PLGRKT: variants seen among roughly 807,000 people sequenced by gnomAD.
PLGRKT encodes the protein plasminogen receptor (KT).
Under a neutral mutation model 18.5 loss-of-function variants are expected in PLGRKT, and 22 were observed. That is an observed-to-expected ratio of 1.19 (90% CI 0.85 to 1.70). PLGRKT has a LOEUF of 1.70. Among genes scored for constraint, PLGRKT ranks in the 40% most tolerant of loss-of-function variants. The pLI is 0.00. For synonymous variants in PLGRKT, 72 were observed against 52.8 expected (o/e 1.36, Z -1.58); for missense variants, 235 against 174.4 (o/e 1.35, Z -1.96).
chr9:5,433,254 T>C lies in PLGRKT; in HGVS notation c.-6-1271A>G, dbSNP rs553107646. On this transcript the variant is annotated intron_variant, in intron 2 of 5. Coordinates refer to ENST00000223864, the MANE Select transcript of PLGRKT (RefSeq NM_018465.4). ...CATCGTCTGGGATGTGAGGAGCCCCTCTGCCTGGCCACCCCGTCTAGGAAG... is the reference window on the plus strand; with the variant it reads ...CATCGTCTGGGATGTGAGGAGCCCCCCTGCCTGGCCACCCCGTCTAGGAAG... 6.7e-4 allele frequency among the ~76,000 whole-genome samples: 97 copies of C among 145,638 alleles called. 1 individual carries two copies. Among genetic ancestry groups the C allele is most frequent in the African/African-American group, 2.3e-3 (87 of 38,504 alleles).
chr9:5,410,717 G>A (rs1209533622), intron 3 of PLGRKT, among the ~76,000 whole-genome samples: 1 of 151,960 alleles, frequency 6.6e-6, no homozygotes, highest in Non-Finnish European at 1.5e-5. Context: ...TTGGAATAAG[G>A]CAGATCCACA....
intron 2 of PLGRKT, among the ~76,000 whole-genome samples, chr9:5,434,124 G>C (rs2131182932): frequency 6.7e-6 from 1 of 149,028 alleles, no homozygotes; most frequent in Non-Finnish European, 1.5e-5. Flanking sequence ...GGGAGGTCAG[G>C]GGCGTCTCTG....
rs748622194 is a variant in PLGRKT at position 5,358,350 on chromosome 9, C to T, written c.333G>A (p.Glu111=). ...TLLERMKGEA[E]DILETEKSKL... is the part of the protein sequence containing the mutation. ...TACTCTTTTCTGTTTCCAGTATGTCCTCAGCTTCACCTTAAATAAAGTACA... is the reference window on the plus strand; with the variant it reads ...TACTCTTTTCTGTTTCCAGTATGTCTTCAGCTTCACCTTAAATAAAGTACA... The change falls in exon 6 of 6, where the codon GAG becomes GAA. Residue 111 remains glutamate (E), a synonymous_variant. Coordinates refer to ENST00000223864, the MANE Select transcript of PLGRKT (RefSeq NM_018465.4). The T allele has an allele frequency of 1.9e-6, 3 of 1,612,730 alleles. No individual in the cohort carries two copies. The highest frequency in any genetic ancestry group is 2.2e-5 in the South Asian group (2 of 91,038).
chr9:5,361,168 G>C lies in PLGRKT; in HGVS notation c.232C>G (p.Pro78Ala). 6.2e-7 allele frequency: 1 copy of C among 1,606,042 alleles called. No individual in the cohort carries two copies. The highest frequency in any genetic ancestry group is 2.2e-5 in the East Asian group (1 of 44,752). Residue 78 changes from proline to alanine, a missense_variant, in exon 5 of 6, where the codon CCA (proline) becomes GCA (alanine). Pro to Ala is a conservative substitution (Grantham distance 27). Transcript: ENST00000223864. ...GGAACAATCGGGACCAGGAAGGCTG[G>C]CTTCTTTTTTTTAATCGCTCTGTTT... Reference protein sequence around the residue: ...LTAGAIKKKKPAFLVPIVPLS... With the variant: ...LTAGAIKKKKAAFLVPIVPLS...
At chr9:5,432,801 A>G (rs1234330504) in intron 2 of PLGRKT, among the ~76,000 whole-genome samples, 3 of 152,074 alleles carry the variant, frequency 2.0e-5, no homozygotes, top group Non-Finnish European at 4.4e-5. Flanking sequence ...TTCAGTGCTC[A>G]ATGTTGCCCA....
intron 3 of PLGRKT, among the ~76,000 whole-genome samples, chr9:5,376,855 G>C (rs957425045): frequency 6.6e-6 from 1 of 152,142 alleles, no homozygotes; most frequent in Admixed American, 6.6e-5. Context: ...AAGAAACTAG[G>C]AATGGATGTA....
At chr9:5,437,417 C>G (rs1015132255) in intron 1 of PLGRKT, among the ~76,000 whole-genome samples, 1 of 152,172 alleles carries the variant, frequency 6.6e-6, no homozygotes, top group African/African-American at 2.4e-5. Context: ...AAATTCCAGC[C>G]CAGAGCCCAC....
intron 3 of PLGRKT, among the ~76,000 whole-genome samples, chr9:5,424,840 C>T (rs1818665770): frequency 1.3e-5 from 2 of 150,696 alleles, no homozygotes; most frequent in Middle Eastern, 3.4e-3. Flanking sequence ...ACTCATCTTT[C>T]GTGTTGTTTT....
At chr9:5,360,649 GT>G (rs1365989514) in intron 5 of PLGRKT, among the ~76,000 whole-genome samples, 1 of 152,024 alleles carries the variant, frequency 6.6e-6, no homozygotes, top group Non-Finnish European at 1.5e-5. Flanking sequence ...GCTGTATTTT[GT>G]TTTGTCTGTG....
At chr9:5,369,483 C>G (rs1817470301) in intron 3 of PLGRKT, among the ~76,000 whole-genome samples, 1 of 152,158 alleles carries the variant, frequency 6.6e-6, no homozygotes. Context: ...CGCGTTTACA[C>G]TGTTGTGGGA....
chr9:5,372,330 A>G (rs914417159), intron 3 of PLGRKT, among the ~76,000 whole-genome samples: 5 of 152,182 alleles, frequency 3.3e-5, no homozygotes, highest in African/African-American at 1.2e-4. Flanking sequence ...CCATGTGCAC[A>G]GTATATGCAA....
chr9:5,417,127 G>C (rs965786641), intron 3 of PLGRKT, among the ~76,000 whole-genome samples: 12 of 152,140 alleles, frequency 7.9e-5, no homozygotes, highest in Non-Finnish European at 1.5e-4. Context: ...AGACACAGCA[G>C]GTTGCCACTC....
At chr9:5,358,401 C>T in intron 5 of PLGRKT, 41 bp from the exon 6 acceptor site, 1 of 1,600,704 alleles carries the variant, frequency 6.2e-7, no homozygotes, top group Non-Finnish European at 8.5e-7. Context: ...ACAAAGGGGT[C>T]ATCAGCAATT....
chr9:5,361,706 A>C, intron 4 of PLGRKT, 52 bp downstream of exon 4: 1 of 1,550,520 alleles, frequency 6.4e-7, no homozygotes, highest in South Asian at 1.2e-5. Context: ...ATGGTAATGG[A>C]AAACACAAAA....
At chr9:5,406,988 T>C (rs1195410605) in intron 3 of PLGRKT, among the ~76,000 whole-genome samples, 2 of 152,212 alleles carry the variant, frequency 1.3e-5, no homozygotes, top group African/African-American at 4.8e-5. Flanking sequence ...AAAATGTAAT[T>C]GCAGAGTGTT....
chr9:5,393,309 G>A (rs1300590674), intron 3 of PLGRKT, among the ~76,000 whole-genome samples: 1 of 151,676 alleles, frequency 6.6e-6, no homozygotes, highest in South Asian at 2.1e-4. Flanking sequence ...TGAACATCTT[G>A]TAATAATATG....
At chr9:5,383,883 A>G (rs1453407479) in intron 3 of PLGRKT, among the ~76,000 whole-genome samples, 1 of 152,196 alleles carries the variant, frequency 6.6e-6, no homozygotes, top group Non-Finnish European at 1.5e-5. Context: ...GAGTTAGTGG[A>G]TACAGGTGTG....
Position 5,372,673 on chromosome 9 carries a change from C to T in PLGRKT, c.82-10785G>A, listed in dbSNP as rs183431692. Among the ~76,000 whole-genome samples the T allele has an allele frequency of 1.0e-3, 156 of 152,276 alleles. 1 individual carries two copies. Among genetic ancestry groups the T allele is most frequent in the Admixed American group, 2.5e-3 (38 of 15,288 alleles). On this transcript the variant is annotated intron_variant, in intron 3 of 5. Transcript: ENST00000223864. ...CTACTGTGCTTACAAGAGCTAATGT[C>T]GTCTCGAAGCTTTTCACTGCCCACT...
rs574295398 is a variant in PLGRKT, at chr9:5,403,286, C to T, written c.81+28611G>A. On this transcript the variant is annotated intron_variant, in intron 3 of 5. Transcript: ENST00000223864. ...TTGCCCAAGCTGGAGTACAATGGTG[C>T]GATCTCCGCTCACTGCAACCTCTGC... Among the ~76,000 whole-genome samples the T allele has an allele frequency of 1.2e-4, 17 of 146,454 alleles. No homozygotes were observed. In the Middle Eastern group the frequency reaches 0.018, roughly 158 times the overall value.
Sources: allele counts gnomAD v4.1 joint callset (sites outside exome capture counted in the v4.1 genomes callset), GRCh38; gene constraint gnomAD v4.1.1; transcripts MANE v1.5; gene names NCBI Gene and HGNC (gene_info 2026-07-23, HGNC 2026-07-21).